The following RYR1 variants were observed in gnomAD, a reference collection of about 807,000 sequenced individuals.
The protein encoded by RYR1 is ryanodine receptor 1.
A neutral mutation model predicts 583.5 loss-of-function variants in RYR1; 342 were observed. The observed-to-expected ratio is 0.59, with a 90% CI of 0.54 to 0.64. RYR1 has a LOEUF of 0.64. Ranked by LOEUF, RYR1 falls within the 30% of genes least tolerant of loss-of-function variation. The probability of loss-of-function intolerance (pLI) is 0.00; values close to 1 mark genes in which losing one functional copy is unlikely to be tolerated. For missense variants in RYR1, 6,032 were observed against 6,917.2 expected (o/e 0.87, Z 4.54); for synonymous variants, 2,791 against 2,822.5 (o/e 0.99, Z 0.35).
chr19:38,463,141 G>GGGGGCCC, intron 20 of RYR1, among the ~76,000 whole-genome samples: 1 of 32,960 alleles, frequency 3.0e-5, no homozygotes, highest in Admixed American at 5.3e-4. Flanking sequence ...CAGGCGATCT[G>GGGGGCCC]CCCCCCCCCC....
rs112326951 is a variant in RYR1, at chr19:38,567,771, A to G, written c.13515-2A>G. ...CTGACCTCTCTCTGTCCTGCCCTGC[A>G]GTGCCGAGAATGGGGAGAAGGAAGA... On this transcript the variant is annotated splice_acceptor_variant, in intron 92 of 105. Coordinates refer to ENST00000359596, the MANE Select transcript of RYR1 (RefSeq NM_000540.3). LOFTEE classifies it high-confidence loss of function. 6.2e-7 allele frequency: 1 copy of G among 1,614,170 alleles called. No individual in the cohort carries two copies.
intron 54 of RYR1, 31 bp downstream of exon 54, chr19:38,505,977 GC>G: frequency 6.2e-7 from 1 of 1,604,204 alleles, no homozygotes; most frequent in Non-Finnish European, 8.5e-7. Context: ...GAGGGCAGGG[GC>G]ACGATGGGGG....
chr19:38,503,011 AC>A, intron 49 of RYR1, 41 bp downstream of exon 49: 8 of 1,591,916 alleles, frequency 5.0e-6, no homozygotes, highest in Non-Finnish European at 6.0e-6. Flanking sequence ...TCCAGGCCGC[AC>A]CCACTGGTTT....
intron 89 of RYR1, among the ~76,000 whole-genome samples, chr19:38,550,989 A>T (rs978512829): frequency 3.7e-5 from 4 of 106,714 alleles, no homozygotes; most frequent in Non-Finnish European, 7.9e-5. Context: ...TCATTTTCTC[A>T]TTCATCCATT....
chr19:38,458,182 C>T lies in RYR1; in HGVS notation c.2057C>T (p.Ala686Val). ...AQATHLRVGW[A>V]LTEGYTPYPG... Reference sequence around the variant, plus strand: ...GCCACCCACTTGCGGGTGGGCTGGGCCCTCACCGAGGGCTACACCCCCTAC... The same window carrying T: ...GCCACCCACTTGCGGGTGGGCTGGGTCCTCACCGAGGGCTACACCCCCTAC... Residue 686 changes from alanine to valine, a missense_variant, in exon 18 of 106, where the codon GCC becomes GTC. By Grantham distance (64) the Ala-to-Val change is moderately conservative (BLOSUM62 0). Transcript: ENST00000359596. The T allele has an allele frequency of 6.2e-7, 1 of 1,613,814 alleles. No homozygotes were observed. The highest frequency in any genetic ancestry group is 8.5e-7 in the Non-Finnish European group (1 of 1,179,992).
In RYR1 at chr19:38,565,445, G is replaced by A. The variant is rs1337566743; in HGVS notation, c.13111G>A (p.Ala4371Thr). The change falls in exon 91 of 106, where the codon GCC (alanine) becomes ACC (threonine). Residue 4371 changes from alanine (A) to threonine (T), a missense_variant. By Grantham distance (58) the Ala-to-Thr change is moderately conservative. Around this residue, in one of 11 missense-constraint regions of RYR1, gnomAD observed 753 missense variants for 759.6 expected, o/e 0.99. Coordinates refer to ENST00000359596, the MANE Select transcript of RYR1 (RefSeq NM_000540.3). The surrounding 1 kb of genome is among the most constrained non-coding windows in gnomAD (Gnocchi z 4.7). Reference protein sequence around the residue: ...SLFGGGLVEGAKKVTVTELLA... With the variant: ...SLFGGGLVEGTKKVTVTELLA... The stretch of plus-strand genomic sequence containing the variant: ...GTTCGGCGGCGGCCTGGTGGAGGGC[G>A]CCAAGAAGGTGACGGTGACCGAGCT... The A allele has an allele frequency of 8.5e-5, 127 of 1,496,594 alleles. No homozygotes were observed. Among genetic ancestry groups the A allele is most frequent in the Non-Finnish European group, 1.1e-4 (123 of 1,130,316 alleles). The allele number at this position is 1,496,594 out of a possible 1,614,324, so 92.7% of individuals were successfully genotyped here.
intron 93 of RYR1, among the ~76,000 whole-genome samples, chr19:38,570,042 T>C (rs1246040938): frequency 6.6e-6 from 1 of 152,158 alleles, no homozygotes; most frequent in Non-Finnish European, 1.5e-5. Flanking sequence ...TGCATACCTG[T>C]AATCCCAGCT....
At chr19:38,468,055 TCCATC>T (rs1568464022) in intron 25 of RYR1, among the ~76,000 whole-genome samples, 25 of 60,964 alleles carry the variant, frequency 4.1e-4, no homozygotes, top group Non-Finnish European at 6.9e-4. Flanking sequence ...CCATCATCCA[TCCATC>T]CATCCATCCA....
At position 38,442,458 on chromosome 19, in the gene RYR1, G is replaced by A. The variant is rs746008099; in HGVS notation, c.270+5G>A. The A allele has an allele frequency of 2.5e-6, 4 of 1,610,330 alleles. No homozygotes were observed. In the Admixed American group the frequency reaches 5.0e-5, roughly 20 times the overall value. On this transcript the variant is annotated splice_donor_5th_base_variant and intron_variant, in intron 3 of 105. Transcript: ENST00000359596. ...ACGGTGGAGGCTGGCGTGGAGGTGA[G>A]GACCCCACCTGGGGGTGGGCGGGGT...
At chr19:38,568,581 C>CAAA (rs59369147) in intron 93 of RYR1, among the ~76,000 whole-genome samples, 4 of 64,892 alleles carry the variant, frequency 6.2e-5, no homozygotes, top group Non-Finnish European at 1.2e-4. Flanking sequence ...ACTAAAAATA[C>CAAA]AAAAAAAAAA....
At chr19:38,531,190 A>G (rs1971724682) in intron 76 of RYR1, among the ~76,000 whole-genome samples, 1 of 151,742 alleles carries the variant, frequency 6.6e-6, no homozygotes, top group African/African-American at 2.4e-5. Context: ...TTGGCCAGAA[A>G]TTCTGACATA....
intron 9 of RYR1, among the ~76,000 whole-genome samples, chr19:38,448,087 T>A (rs1260695286): frequency 6.6e-6 from 1 of 151,496 alleles, no homozygotes; most frequent in East Asian, 2.0e-4. Context: ...ATTAAGATGG[T>A]TTGAGGAACA....
At chr19:38,471,636 C>T (rs2145474840) in intron 27 of RYR1, among the ~76,000 whole-genome samples, 1 of 152,142 alleles carries the variant, frequency 6.6e-6, no homozygotes, top group African/African-American at 2.4e-5. Flanking sequence ...CTCGGTGGCT[C>T]ATGCCTGTAA....
chr19:38,564,240 C>T (rs73550985), intron 90 of RYR1, among the ~76,000 whole-genome samples: 3,432 of 151,894 alleles, frequency 0.023, 128 homozygotes, highest in African/African-American at 0.075. Flanking sequence ...TAGAAATTAG[C>T]AGGCCAGTCA....
intron 89 of RYR1, among the ~76,000 whole-genome samples, chr19:38,555,446 C>CAAAAAAAA (rs56911809): frequency 2.4e-5 from 2 of 83,488 alleles, no homozygotes; most frequent in Non-Finnish European, 5.4e-5. Context: ...GACCCTGCCT[C>CAAAAAAAA]AAAAAAAAAA....
rs1973337515 is a variant in RYR1 at position 38,565,161 on chromosome 19, A to C, written c.12827A>C (p.Glu4276Ala). 6.8e-7 allele frequency: 1 copy of C among 1,476,202 alleles called. No individual in the cohort carries two copies. The highest frequency in any genetic ancestry group is 1.5e-5 in the African/African-American group (1 of 68,870). The allele number at this position is 1,476,202 out of a possible 1,614,324, so 91.4% of individuals were successfully genotyped here. Residue 4276 changes from glutamate to alanine, a missense_variant, in exon 91 of 106, where the codon GAG (glutamate) becomes GCG (alanine). By Grantham distance (107) the Glu-to-Ala change is moderately radical (BLOSUM62 -1). Around this residue, in one of 11 missense-constraint regions of RYR1, gnomAD observed 753 missense variants for 759.6 expected, o/e 0.99. Transcript: ENST00000359596. This position sits in a 1 kb window ranked among gnomAD's most constrained non-coding sequence, Gnocchi z 4.7. The part of the protein sequence containing the change: ...GAAEAGAEGA[E>A]EGAAGLEGTA... Reference sequence around the variant, plus strand: ...GCGGAGGCGGGCGCGGAAGGCGCGGAGGAGGGCGCGGCGGGGCTCGAGGGC... The same window carrying C: ...GCGGAGGCGGGCGCGGAAGGCGCGGCGGAGGGCGCGGCGGGGCTCGAGGGC...
chr19:38,502,804 CAGGGGGAGGAGCAGG>C, intron 48 of RYR1, 61 bp from the exon 49 acceptor site: 1 of 861,440 alleles, frequency 1.2e-6, no homozygotes, highest in Admixed American at 3.9e-5. Flanking sequence ...GGGGCAGGGG[CAGGGGGAGGAGCAGG>C]GGCAGGGGCA....
chr19:38,504,934 C>T (rs922396604), intron 51 of RYR1, 23 bp downstream of exon 51: 3 of 1,614,114 alleles, frequency 1.9e-6, no homozygotes, highest in Non-Finnish European at 2.5e-6. Context: ...GGCTGGGAGA[C>T]AGAGAGGAAG....
intron 101 of RYR1, 37 bp from the exon 102 acceptor site, chr19:38,584,906 C>A (rs757804119): frequency 6.2e-7 from 1 of 1,612,534 alleles, no homozygotes; most frequent in South Asian, 1.1e-5. Context: ...CAGTGAATGT[C>A]GAATGAATGA....
Sources: gnomAD v4.1 joint callset for allele counts (sites outside exome capture counted in the v4.1 genomes callset) on GRCh38, gnomAD v4.1.1 for gene constraint, gnomAD v4.1.1 regional missense constraint, Gnocchi (gnomAD v3.1) non-coding constraint, MANE v1.5 for transcripts, NCBI Gene and HGNC (gene_info 2026-07-23, HGNC 2026-07-21) for gene names.